Variants in CEP63 observed in about 807,000 individuals in gnomAD.
CEP63 encodes centrosomal protein of 63 kDa.
A neutral mutation model predicts 89.1 loss-of-function variants in CEP63; 84 were observed. The observed-to-expected ratio is 0.94, with a 90% confidence interval of 0.79 to 1.13. CEP63 has a LOEUF of 1.13. Ranked by LOEUF, CEP63 falls within the 50% of genes most tolerant of loss-of-function variation. The probability of loss-of-function intolerance (pLI) is 0.00; values close to 1 mark genes in which losing one functional copy is unlikely to be tolerated. For missense variants in CEP63, 838 were observed against 813.3 expected (o/e 1.03, Z -0.37); for synonymous variants, 267 against 272.5 (o/e 0.98, Z 0.20).
At chr3:134,528,553 G>GGTGTGTGTGTGTGCGCGT (rs779003136) in intron 3 of CEP63, among the ~76,000 whole-genome samples, 1 of 108,820 alleles carries the variant, frequency 9.2e-6, no homozygotes, top group Non-Finnish European at 2.0e-5. Flanking sequence ...CTTAAGGAGG[G>GGTGTGTGTGTGTGCGCGT]GTGTGTGTGT....
At chr3:134,669,797 T>G in the CEP63 span, among the ~76,000 whole-genome samples, 2 of 152,200 alleles carry the variant, frequency 1.3e-5, 1 homozygote, top group African/African-American at 4.8e-5. Flanking sequence ...GCAAATAATT[T>G]CTGTGCACAA....
At position 134,537,274 on chromosome 3, in the gene CEP63, C is replaced by G. The variant is rs1950948351; in HGVS notation, c.555+6C>G. 6.4e-7 allele frequency: 1 copy of G among 1,558,608 alleles called. No homozygotes were observed. Among genetic ancestry groups the G allele is most frequent in the Non-Finnish European group, 8.9e-7 (1 of 1,129,412 alleles). On this transcript the variant is annotated splice_donor_region_variant and intron_variant, in intron 6 of 14. Transcript: ENST00000675561. ...AACAATCAGAGATAATTCAGGTAGG[C>G]CTAAGACTTTTTAAAATAATGAGAA...
Position 134,564,809 on chromosome 3 carries a change from G to C in CEP63, c.*3274G>C, listed in dbSNP as rs980973726. 7.1e-6 allele frequency: 7 copies of C among 985,176 alleles called. No homozygotes were observed. Among genetic ancestry groups the C allele is most frequent in the African/African-American group, 3.5e-5 (2 of 57,218 alleles). The allele number at this position is 985,176 out of a possible 1,614,324, so 61.0% of individuals were successfully genotyped here. A position where few individuals can be genotyped will look rare whatever the true frequency, so the allele number is the denominator to read the frequency against. ...CCCGTTTCTGAAACGTTTGTACTACGTGTTGACTAGGAGGAACAATGACAG... is the reference window on the plus strand; with the variant it reads ...CCCGTTTCTGAAACGTTTGTACTACCTGTTGACTAGGAGGAACAATGACAG... On this transcript the variant is annotated 3_prime_UTR_variant, in exon 15 of 15. Coordinates refer to ENST00000675561, the MANE Select transcript of CEP63 (RefSeq NM_001353108.3).
chr3:134,538,046 T>C (rs1466012797), intron 6 of CEP63, among the ~76,000 whole-genome samples: 1 of 152,060 alleles, frequency 6.6e-6, no homozygotes, highest in Non-Finnish European at 1.5e-5. Flanking sequence ...CTAAAAAAAT[T>C]TGTGATCATC....
At chr3:134,602,825 T>C in the CEP63 span, among the ~76,000 whole-genome samples, 1 of 152,310 alleles carries the variant, frequency 6.6e-6, no homozygotes. Context: ...CTGCCGACAG[T>C]GTCCCTCCCA....
chr3:134,689,543 C>T, the CEP63 span, among the ~76,000 whole-genome samples: 1 of 152,090 alleles, frequency 6.6e-6, no homozygotes, highest in Admixed American at 6.5e-5. Flanking sequence ...CCTCTGCCTC[C>T]TGAGTTCAAG....
intron 3 of CEP63, among the ~76,000 whole-genome samples, chr3:134,516,954 T>TAATA (rs1946384027): frequency 1.3e-5 from 2 of 152,156 alleles, no homozygotes; most frequent in African/African-American, 4.8e-5. Flanking sequence ...GTTGAGGAGT[T>TAATA]AATACTCTTA....
chr3:134,688,834 C>G, the CEP63 span, among the ~76,000 whole-genome samples: 1 of 152,232 alleles, frequency 6.6e-6, no homozygotes, highest in Non-Finnish European at 1.5e-5. Flanking sequence ...ACTGGATGCT[C>G]TCCTCTGCAG....
the CEP63 span, among the ~76,000 whole-genome samples, chr3:134,666,222 C>T: frequency 6.6e-6 from 1 of 152,152 alleles, no homozygotes; most frequent in Admixed American, 6.5e-5. Flanking sequence ...AGGAAGAAGC[C>T]ACACGGGATC....
At chr3:134,778,100 T>A in the CEP63 span, among the ~76,000 whole-genome samples, 1 of 16,838 alleles carries the variant, frequency 5.9e-5, no homozygotes, top group Non-Finnish European at 3.3e-4. Context: ...CACGTCACTT[T>A]TTTTTTTTTT....
In CEP63 at chr3:134,559,215, C is replaced by A. The variant is rs772220760; in HGVS notation, c.1739C>A (p.Ser580Tyr). Residue 580 changes from serine (S) to tyrosine (Y), a missense_variant, in exon 14 of 15, where the codon TCT (serine) becomes TAT (tyrosine). Physicochemically the swap from Ser to Tyr is moderately radical, Grantham distance 144 (BLOSUM62 -2). Transcript: ENST00000675561. Reference sequence around the variant, plus strand: ...GAGCACTACAAAACAGATCTTCATTCTCCAAGAGGACAAGCGTCGGATAGT... The same window carrying A: ...GAGCACTACAAAACAGATCTTCATTATCCAAGAGGACAAGCGTCGGATAGT... ...KTEHYKTDLHSPRGQASDSIN... is the reference protein window; with the variant it reads ...KTEHYKTDLHYPRGQASDSIN... 6.2e-7 allele frequency: 1 copy of A among 1,614,136 alleles called. No homozygotes were observed.
At chr3:134,673,422 C>G in the CEP63 span, among the ~76,000 whole-genome samples, 1 of 152,152 alleles carries the variant, frequency 6.6e-6, no homozygotes, top group East Asian at 1.9e-4. Context: ...TCCTTCCCTG[C>G]AATGCGTGGT....
chr3:134,502,735 A>G (rs558893283), intron 2 of CEP63, among the ~76,000 whole-genome samples: 7 of 152,206 alleles, frequency 4.6e-5, no homozygotes, highest in East Asian at 1.9e-4. Flanking sequence ...CTAGCAGTCT[A>G]TCAATCTTGT....
chr3:134,748,479 C>T, the CEP63 span, among the ~76,000 whole-genome samples: 1 of 151,886 alleles, frequency 6.6e-6, no homozygotes, highest in Admixed American at 6.6e-5. Context: ...GAATTCAACA[C>T]AGGTCATCAG....
the CEP63 span, among the ~76,000 whole-genome samples, chr3:134,712,379 C>T: frequency 3.4e-5 from 4 of 117,888 alleles, no homozygotes; most frequent in African/African-American, 1.0e-4. Flanking sequence ...TAGGGGACCC[C>T]CTTAGTTTCT....
chr3:134,627,630 G>T, the CEP63 span: 3 of 774,026 alleles, frequency 3.9e-6, no homozygotes, highest in South Asian at 3.1e-5. Flanking sequence ...TTCCCCTCCT[G>T]AACCCAAAGG....
At chr3:134,582,750 C>T (rs1272947179) in intron 10 of CEP63, among the ~76,000 whole-genome samples, 4 of 152,174 alleles carry the variant, frequency 2.6e-5, no homozygotes, top group Admixed American at 1.3e-4. Flanking sequence ...TGAGGAATCA[C>T]CACACTGTCT....
At chr3:134,589,623 A>G (rs866904135), downstream of CEP63, among the ~76,000 whole-genome samples, 10 of 151,646 alleles carry the variant, frequency 6.6e-5, no homozygotes, top group Non-Finnish European at 1.3e-4. Context: ...GTGTGGAGGA[A>G]AGGGAATGCT....
chr3:134,607,834 T>G, the CEP63 span: 2 of 987,986 alleles, frequency 2.0e-6, no homozygotes, highest in East Asian at 2.3e-4. Flanking sequence ...TGGAAACGGC[T>G]GGGTCCCGCC....
Sources: allele counts gnomAD v4.1 joint callset (sites outside exome capture counted in the v4.1 genomes callset), GRCh38; gene constraint gnomAD v4.1.1; transcripts MANE v1.5; gene names NCBI Gene and HGNC (gene_info 2026-07-23, HGNC 2026-07-21).